The following TRNT1 variants were observed in gnomAD, a reference collection of about 807,000 sequenced individuals.
TRNT1 encodes CCA tRNA nucleotidyltransferase 1, mitochondrial.
Under a neutral mutation model 45.6 loss-of-function variants are expected in TRNT1, and 44 were observed. The observed-to-expected ratio is 0.97, with a 90% CI of 0.76 to 1.24. The LOEUF (loss-of-function observed/expected upper bound fraction) is 1.24, where lower values mean the gene tolerates loss of function less well. Ranked by LOEUF, TRNT1 falls within the 50% of genes most tolerant of loss-of-function variation. TRNT1 has a pLI of 0.00. For missense variants in TRNT1, 633 were observed against 504.4 expected, an observed-to-expected ratio of 1.25 and a Z score of -2.44; for synonymous variants, 201 against 171.4, an observed-to-expected ratio of 1.17 and a Z score of -1.35.
At chr3:3,127,284 T>C (rs767259537) in intron 1 of TRNT1, 1 of 152,156 alleles carries the variant, frequency 6.6e-6, no homozygotes, top group Non-Finnish European at 1.5e-5. Context: ...GCACCCGGCG[T>C]GGGGGGTGAG....
At chr3:3,149,897 A>G (rs568112829), downstream of TRNT1, 1 of 152,190 alleles carries the variant, frequency 6.6e-6, no homozygotes, top group Admixed American at 6.5e-5. Context: ...ACAAATGTGG[A>G]AGGAAGGACC....
At chr3:3,136,646 TTC>T (rs1431731523) in intron 2 of TRNT1, 1 of 410,492 alleles carries the variant, frequency 2.4e-6, no homozygotes, top group East Asian at 7.1e-5. Context: ...TTGATTTACT[TTC>T]TTTTTTTTTC....
downstream of TRNT1, chr3:3,150,929 A>G: frequency 6.2e-7 from 1 of 1,614,054 alleles, no homozygotes; most frequent in Non-Finnish European, 8.5e-7. Flanking sequence ...CGTGGGCAAC[A>G]GAGCAGATCG....
Position 3,140,295 on chromosome 3 carries a change from T to TA in TRNT1, c.343-215_343-214insA, listed in dbSNP as rs76467947. Among the ~76,000 whole-genome samples, 118,407 of 152,068 alleles carry TA rather than the reference T, an allele frequency of 0.78. 47,352 individuals carry two copies. Among genetic ancestry groups the TA allele is most frequent in the East Asian group, 0.94 (4,889 of 5,180 alleles). ...ACTCATCTTTTTTAATCATGATGGATTTTTTTTAAAAAAATCAGTCTTTTG... is the reference window on the plus strand; with the variant it reads ...ACTCATCTTTTTTAATCATGATGGATATTTTTTTAAAAAAATCAGTCTTTTG... On this transcript the variant is annotated intron_variant, in intron 3 of 7. Transcript: ENST00000251607.
intron 2 of TRNT1, among the ~76,000 whole-genome samples, chr3:3,129,754 G>C (rs6796251): frequency 0.067 from 10,224 of 152,256 alleles, 665 homozygotes; most frequent in African/African-American, 0.17. Context: ...AACTTAATGA[G>C]TACGCACATT....
chr3:3,149,876 A>ACC, downstream of TRNT1: 1 of 152,204 alleles, frequency 6.6e-6, no homozygotes, highest in Non-Finnish European at 1.5e-5. Flanking sequence ...CAATAAAACG[A>ACC]AAGTTATCAT....
intron 2 of TRNT1, 174 bp downstream of exon 2, chr3:3,129,362 C>A: frequency 1.7e-6 from 1 of 604,794 alleles, no homozygotes; most frequent in East Asian, 3.1e-5. Context: ...AACTCCTGGG[C>A]TCACTCCTTG....
At chr3:3,131,538 G>C (rs1052923360) in intron 2 of TRNT1, 5 of 150,712 alleles carry the variant, frequency 3.3e-5, no homozygotes, top group Admixed American at 2.0e-4. Context: ...ATTCAAGATG[G>C]ATTAAAGATT....
chr3:3,151,091 T>C (rs1296780217), downstream of TRNT1: 2 of 1,590,522 alleles, frequency 1.3e-6, no homozygotes, highest in East Asian at 2.3e-5. Context: ...ATTTCTGTAC[T>C]CCAAGCCTAT....
chr3:3,150,803 T>G, downstream of TRNT1: 1 of 1,518,728 alleles, frequency 6.6e-7, no homozygotes. Flanking sequence ...AGGCAATAAT[T>G]TCCAAAGCAG....
chr3:3,139,703 A>G (rs531397173), intron 3 of TRNT1, among the ~76,000 whole-genome samples: 2 of 152,078 alleles, frequency 1.3e-5, no homozygotes, highest in Non-Finnish European at 2.9e-5. Context: ...TGTCTTCCCA[A>G]GATAGAGGTA....
intron 2 of TRNT1, among the ~76,000 whole-genome samples, chr3:3,132,731 G>GAAAAAAAAAAAAAAAAAA (rs369384116): frequency 1.1e-5 from 1 of 88,976 alleles, no homozygotes; most frequent in Non-Finnish European, 2.4e-5. Context: ...CCTATTGAAG[G>GAAAAAAAAAAAAAAAAAA]AAAAAAAAAA....
chr3:3,130,842 G>A (rs1028656126), intron 2 of TRNT1, among the ~76,000 whole-genome samples: 1 of 152,102 alleles, frequency 6.6e-6, no homozygotes, highest in Admixed American at 6.5e-5. Context: ...GCACTTTTGA[G>A]TGGCTGAGGT....
At chr3:3,142,625 T>C (rs1705728147) in intron 4 of TRNT1, among the ~76,000 whole-genome samples, 1 of 152,236 alleles carries the variant, frequency 6.6e-6, no homozygotes, top group Non-Finnish European at 1.5e-5. Context: ...TTCCAAGCCT[T>C]ATTGGATCAA....
chr3:3,151,032 C>T (rs756414303), downstream of TRNT1: 78 of 1,613,730 alleles, frequency 4.8e-5, no homozygotes, highest in Non-Finnish European at 6.3e-5. Context: ...CACTGGGCAA[C>T]AGTCCAGGCA....
intron 2 of TRNT1, chr3:3,136,529 T>C (rs1705334896): frequency 2.6e-6 from 1 of 382,148 alleles, no homozygotes; most frequent in Admixed American, 3.4e-5. Context: ...GATAGTTTCA[T>C]GCGTGAACAT....
Position 3,148,133 on chromosome 3 carries a change from G to GAGTT in TRNT1, c.1286_1289dup (p.Tyr430Ter), listed in dbSNP as rs1324164294. The GAGTT allele has an allele frequency of 3.1e-6, 5 of 1,613,472 alleles. No individual in the cohort carries two copies. Among genetic ancestry groups the GAGTT allele is most frequent in the Non-Finnish European group, 4.2e-6 (5 of 1,179,692 alleles). The stretch of plus-strand genomic sequence containing the variant: ...ACCAAATGGAAAAAGATGAACTTCT[G>GAGTT]AGTTACATAAAGAAGACCTAAAACT... On this transcript the variant is annotated frameshift_variant, in exon 8 of 8. Transcript: ENST00000251607. LOFTEE classifies it high-confidence loss of function.
At chr3:3,128,193 T>C (rs1704724655) in intron 1 of TRNT1, among the ~76,000 whole-genome samples, 1 of 152,138 alleles carries the variant, frequency 6.6e-6, no homozygotes, top group African/African-American at 2.4e-5. Flanking sequence ...TGCTAAATCA[T>C]GGAGGTTTGG....
At chr3:3,128,890 A>G (rs546430522) in intron 1 of TRNT1, 124 bp from the exon 2 acceptor site, 2 of 741,620 alleles carry the variant, frequency 2.7e-6, no homozygotes, top group South Asian at 2.1e-5. Context: ...CACCGTTTTC[A>G]GTTTTTTCAT....
Sources: gnomAD v4.1 joint callset for allele counts (sites outside exome capture counted in the v4.1 genomes callset) on GRCh38, gnomAD v4.1.1 for gene constraint, MANE v1.5 for transcripts, NCBI Gene and HGNC (gene_info 2026-07-23, HGNC 2026-07-21) for gene names.